TACC2: variants seen among roughly 807,000 people sequenced by gnomAD.
The protein encoded by TACC2 is transforming acidic coiled-coil-containing protein 2.
A neutral mutation model predicts 227.3 loss-of-function variants in TACC2; 137 were observed. The ratio of observed to expected loss-of-function variants is 0.60; its 90% confidence interval spans 0.52 to 0.69. TACC2 has a LOEUF of 0.69. Ranked by LOEUF, TACC2 falls within the 30% of genes least tolerant of loss-of-function variation. The pLI is 0.00. For synonymous variants in TACC2, 1,523 were observed against 1,487.5 expected (o/e 1.02, Z -0.55); for missense variants, 3,470 against 3,694.4 (o/e 0.94, Z 1.57).
chr10:122,168,885 G>T (rs2093333019), intron 7 of TACC2, among the ~76,000 whole-genome samples: 1 of 152,216 alleles, frequency 6.6e-6, no homozygotes, highest in Admixed American at 6.5e-5. Context: ...ACCCAAGCTA[G>T]GGCAGTGTTC....
At chr10:122,028,084 C>CTTTCTTTT (rs1554967439) in intron 2 of TACC2, among the ~76,000 whole-genome samples, 1 of 91,744 alleles carries the variant, frequency 1.1e-5, no homozygotes, top group African/African-American at 4.8e-5. Context: ...TTCTTTCTTT[C>CTTTCTTTT]TTTTTTTTTT....
chr10:122,007,299 T>C (rs1955300302), intron 1 of TACC2, among the ~76,000 whole-genome samples: 1 of 152,240 alleles, frequency 6.6e-6, no homozygotes, highest in South Asian at 2.1e-4. Flanking sequence ...ATTGACAATC[T>C]TTTTATTCCT....
At position 122,027,226 on chromosome 10, in the gene TACC2, CA is replaced by C. The variant is rs1369437686; in HGVS notation, c.33+5213del. Among the ~76,000 whole-genome samples, 20 of 152,294 alleles carry C rather than the reference CA, an allele frequency of 1.3e-4. No homozygotes were observed. In the East Asian group the frequency reaches 3.9e-3, roughly 29 times the overall value. The stretch of plus-strand genomic sequence containing the variant: ...TGACATAGGATGTGGAACATCTTTT[CA>C]TACACTTATTTGCCATCTGTATATC... On this transcript the variant is annotated intron_variant, in intron 2 of 22. Coordinates refer to ENST00000369005, the MANE Select transcript of TACC2 (RefSeq NM_206862.4).
chr10:121,993,662 G>T (rs1364151825), intron 1 of TACC2, among the ~76,000 whole-genome samples: 1 of 151,980 alleles, frequency 6.6e-6, no homozygotes, highest in Admixed American at 6.6e-5. Context: ...TTCTCAATTT[G>T]TCACCCAGGC....
intron 1 of TACC2, among the ~76,000 whole-genome samples, chr10:122,015,862 C>T (rs540864250): frequency 2.6e-5 from 4 of 152,078 alleles, no homozygotes; most frequent in African/African-American, 7.2e-5. Context: ...TTTCCTCTTC[C>T]TTCATCACAG....
chr10:122,092,106 ATC>A (rs1243210423), intron 5 of TACC2, among the ~76,000 whole-genome samples: 1 of 152,156 alleles, frequency 6.6e-6, no homozygotes, highest in African/African-American at 2.4e-5. Context: ...GCACGATTAT[ATC>A]TCTCTTCAGG....
chr10:122,122,837 CTGT>C (rs1225004319), intron 5 of TACC2, among the ~76,000 whole-genome samples: 2 of 152,128 alleles, frequency 1.3e-5, no homozygotes, highest in East Asian at 3.8e-4. Flanking sequence ...CTTATGACTG[CTGT>C]TATCATTAAT....
chr10:121,995,960 G>A (rs1158882668), intron 1 of TACC2, among the ~76,000 whole-genome samples: 1 of 152,124 alleles, frequency 6.6e-6, no homozygotes. Context: ...CACCCTGCTG[G>A]CCAGGCTGGT....
At chr10:122,159,481 G>C (rs975258732) in intron 7 of TACC2, among the ~76,000 whole-genome samples, 1 of 152,144 alleles carries the variant, frequency 6.6e-6, no homozygotes, top group Non-Finnish European at 1.5e-5. Flanking sequence ...TCGAATTTTC[G>C]GCAAGGCAGT....
chr10:122,148,680 G>A (rs1292385756), intron 7 of TACC2, among the ~76,000 whole-genome samples: 1 of 152,220 alleles, frequency 6.6e-6, no homozygotes, highest in Non-Finnish European at 1.5e-5. Context: ...AAACATGCTG[G>A]GTGACTTCCT....
chr10:122,244,593 C>T (rs2141815422), intron 19 of TACC2, among the ~76,000 whole-genome samples: 1 of 152,278 alleles, frequency 6.6e-6, no homozygotes, highest in Non-Finnish European at 1.5e-5. Flanking sequence ...CGGTTCAGGT[C>T]AGGGTCTCTC....
At chr10:122,186,534 A>G (rs1675946747) in intron 7 of TACC2, among the ~76,000 whole-genome samples, 1 of 151,754 alleles carries the variant, frequency 6.6e-6, no homozygotes, top group Admixed American at 6.6e-5. Flanking sequence ...TATTTTTTGA[A>G]ACAGAGTCTT....
intron 7 of TACC2, among the ~76,000 whole-genome samples, chr10:122,147,949 G>T (rs1240771119): frequency 6.6e-6 from 1 of 152,178 alleles, no homozygotes; most frequent in Non-Finnish European, 1.5e-5. Flanking sequence ...CAACCATGCG[G>T]CCATGGCCTG....
intron 2 of TACC2, among the ~76,000 whole-genome samples, chr10:122,027,845 G>A (rs565979794): frequency 2.7e-3 from 407 of 151,252 alleles, no homozygotes; most frequent in Non-Finnish European, 4.6e-3. Flanking sequence ...CCAGGTTCAC[G>A]CCATTCTCCT....
intron 7 of TACC2, among the ~76,000 whole-genome samples, chr10:122,185,277 C>T (rs986980778): frequency 6.6e-6 from 1 of 151,786 alleles, no homozygotes; most frequent in African/African-American, 2.4e-5. Flanking sequence ...CTACAACCTC[C>T]GCCTCCTGGG....
At position 122,209,280 on chromosome 10, in the gene TACC2, C is replaced by T. The variant is rs951088035; in HGVS notation, c.5972-1117C>T. 2.0e-5 allele frequency among the ~76,000 whole-genome samples: 3 copies of T among 152,064 alleles called. No homozygotes were observed. The highest frequency in any genetic ancestry group is 4.4e-5 in the Non-Finnish European group (3 of 67,990). ...TGCTACTACAGGTGCCGGGGGCCTC[C>T]GTGTACAGGCTCCCCTGATCTTCAC... On this transcript the variant is annotated intron_variant, in intron 8 of 22. Transcript: ENST00000369005. The surrounding 1 kb of genome is among the most constrained non-coding windows in gnomAD (Gnocchi z 4.5).
rs2142021427 is a variant in TACC2 at position 122,254,310 on chromosome 10, G to A, written c.*254G>A. 1 of 509,622 alleles carries A rather than the reference G, an allele frequency of 2.0e-6. No individual in the cohort carries two copies. The highest frequency in any genetic ancestry group is 3.8e-5 in the East Asian group (1 of 26,190). 31.6% of individuals were successfully genotyped at this position (509,622 alleles called of 1,614,324 possible). A position where few individuals can be genotyped will look rare whatever the true frequency, so the allele number is the denominator to read the frequency against. On this transcript the variant is annotated 3_prime_UTR_variant, in exon 23 of 23. Transcript: ENST00000369005. ...AGTTCCTGTATCAGGGAGATTGTCT[G>A]ATTCTCTAATAAAAGACACATTGCT...
chr10:122,204,673 A>C (rs2095043101), intron 8 of TACC2, among the ~76,000 whole-genome samples: 1 of 152,186 alleles, frequency 6.6e-6, no homozygotes, highest in Non-Finnish European at 1.5e-5. Flanking sequence ...GCATCTCTAC[A>C]AAAAATTTAA....
At chr10:122,185,984 G>A (rs1312247461) in intron 7 of TACC2, among the ~76,000 whole-genome samples, 1 of 152,186 alleles carries the variant, frequency 6.6e-6, no homozygotes, top group Non-Finnish European at 1.5e-5. Flanking sequence ...AGGCCGGAGT[G>A]CAGTGGTGTG....
Sources: allele counts gnomAD v4.1 joint callset (sites outside exome capture counted in the v4.1 genomes callset), GRCh38; gene constraint gnomAD v4.1.1; non-coding constraint Gnocchi (gnomAD v3.1); transcripts MANE v1.5; gene names NCBI Gene and HGNC (gene_info 2026-07-23, HGNC 2026-07-21).